The following PCDH11X variants were observed in gnomAD, a reference collection of about 807,000 sequenced individuals.
PCDH11X encodes protocadherin-11 X-linked.
In PCDH11X, 18 loss-of-function variants were observed where a neutral mutation model predicts 53.3. That is an observed-to-expected ratio of 0.34 (90% CI 0.23 to 0.50). The LOEUF (loss-of-function observed/expected upper bound fraction) is 0.50, where lower values mean the gene tolerates loss of function less well. Ranked by LOEUF, PCDH11X falls within the 20% of genes least tolerant of loss-of-function variation. PCDH11X has a pLI of 0.98. For synonymous variants in PCDH11X, 279 were observed against 393.3 expected (o/e 0.71, Z 3.44); for missense variants, 570 against 1,032.4 (o/e 0.55, Z 6.14).
chrX:92,421,497 T>C (rs1278139590), intron 9 of PCDH11X, among the ~76,000 whole-genome samples: 1 of 111,947 alleles, frequency 8.9e-6, no homozygotes, highest in African/African-American at 3.3e-5. Context: ...TACGTATTTT[T>C]ATCTGGTGTT....
chrX:92,095,136 A>G (rs1411602415), intron 6 of PCDH11X, among the ~76,000 whole-genome samples: 2 of 110,695 alleles, frequency 1.8e-5, no homozygotes, highest in African/African-American at 6.6e-5. Context: ...CTGTGGTGAA[A>G]TTTCCAGCAC....
At chrX:92,134,295 T>G (rs749738410) in intron 6 of PCDH11X, among the ~76,000 whole-genome samples, 43 of 110,980 alleles carry the variant, frequency 3.9e-4, no homozygotes, top group African/African-American at 9.5e-4. Flanking sequence ...TTGTTTGTTT[T>G]TTTAATTTTT....
In PCDH11X at chrX:92,125,019, T is replaced by C. The variant is rs561108950; in HGVS notation, c.3034-76356T>C. Among the ~76,000 whole-genome samples, 27 of 112,064 alleles carry C rather than the reference T, an allele frequency of 2.4e-4. No homozygotes were observed. The South Asian group carries it at 1.0e-2, about 41-fold the overall frequency. ...AATGGATGAATAGATTTAAATTTTA[T>C]GTACATACTGTTTCATCGTGCTTTC... On this transcript the variant is annotated intron_variant, in intron 6 of 10. Coordinates refer to ENST00000682573, the MANE Select transcript of PCDH11X (RefSeq NM_032968.5).
At chrX:92,543,350 T>G (rs1269815827) in intron 10 of PCDH11X, among the ~76,000 whole-genome samples, 1 of 108,922 alleles carries the variant, frequency 9.2e-6, no homozygotes, top group Non-Finnish European at 1.9e-5. Flanking sequence ...TAGTTCTTAA[T>G]ACAGCACTAT....
intron 10 of PCDH11X, among the ~76,000 whole-genome samples, chrX:92,604,361 A>G (rs892496203): frequency 7.3e-5 from 8 of 110,187 alleles, no homozygotes; most frequent in African/African-American, 2.6e-4. Context: ...CATGGAATTA[A>G]CTTACATTAA....
At chrX:92,315,347 C>T (rs1199988300) in intron 8 of PCDH11X, among the ~76,000 whole-genome samples, 1 of 111,299 alleles carries the variant, frequency 9.0e-6, no homozygotes, top group Non-Finnish European at 1.9e-5. Flanking sequence ...TTAAAACCTT[C>T]TTTTATTTAC....
At chrX:92,378,939 C>T (rs746278420) in intron 8 of PCDH11X, among the ~76,000 whole-genome samples, 2 of 113,147 alleles carry the variant, frequency 1.8e-5, no homozygotes, top group East Asian at 2.8e-4. Flanking sequence ...AATCTTACTT[C>T]GGACCTACTA....
chrX:92,222,369 T>C (rs2066897881), intron 7 of PCDH11X, among the ~76,000 whole-genome samples: 1 of 111,771 alleles, frequency 8.9e-6, no homozygotes, highest in Non-Finnish European at 1.9e-5. Context: ...ATTTAGCAAG[T>C]TGCATGCCTG....
intron 8 of PCDH11X, among the ~76,000 whole-genome samples, chrX:92,336,349 A>T (rs1422693229): frequency 2.7e-5 from 3 of 111,697 alleles, no homozygotes; most frequent in Non-Finnish European, 5.7e-5. Context: ...CAAGATTTTC[A>T]TTGTAATGCT....
chrX:91,932,716 GAGAA>G (rs1232498891), intron 6 of PCDH11X, among the ~76,000 whole-genome samples: 1 of 110,881 alleles, frequency 9.0e-6, no homozygotes, highest in Admixed American at 9.6e-5. Context: ...GCGCGCGCCT[GAGAA>G]AGAGATAGAG....
chrX:92,401,984 A>T (rs1474257912), intron 9 of PCDH11X, among the ~76,000 whole-genome samples: 1 of 111,247 alleles, frequency 9.0e-6, no homozygotes, highest in Non-Finnish European at 1.9e-5. Flanking sequence ...CATGTCCTTT[A>T]CTCCTTTCTG....
chrX:91,819,860 C>T (rs1345163292), intron 4 of PCDH11X, among the ~76,000 whole-genome samples: 1 of 92,813 alleles, frequency 1.1e-5, no homozygotes, highest in Non-Finnish European at 2.1e-5. Context: ...TGTGATGTTC[C>T]CCTTCCTGTG....
rs188916980 is a variant in PCDH11X at position 92,575,566 on chromosome X, G to T, written c.3368-42698G>T. Among the ~76,000 whole-genome samples the T allele has an allele frequency of 4.1e-3, 444 of 108,613 alleles. 2 individuals are homozygous for T. The highest frequency in any genetic ancestry group is 0.014 in the African/African-American group (407 of 30,127). The allele number at this position is 108,613 out of a possible 115,157, so 94.3% of individuals were successfully genotyped here. On this transcript the variant is annotated intron_variant, in intron 10 of 10. Transcript: ENST00000682573. ...TCATAGGTTCATTAGTAAAGTGTGAGCTTATTATTCAAAAGACTGTTGTCT... is the reference window on the plus strand; with the variant it reads ...TCATAGGTTCATTAGTAAAGTGTGATCTTATTATTCAAAAGACTGTTGTCT...
At position 92,242,654 on chromosome X, in the gene PCDH11X, A is replaced by G. The variant is rs950452855; in HGVS notation, c.3115-20460A>G. 5.4e-5 allele frequency among the ~76,000 whole-genome samples: 6 copies of G among 111,762 alleles called. No individual in the cohort carries two copies. The South Asian group carries it at 2.2e-3, about 41-fold the overall frequency. On this transcript the variant is annotated intron_variant, in intron 7 of 10. Transcript: ENST00000682573. The stretch of plus-strand genomic sequence containing the variant: ...ATAAATGTCCAAAGGTGTAATTGCT[A>G]GGTCACATGTTTAGTTTTGAAACTG...
At chrX:92,229,795 C>T (rs547362579) in intron 7 of PCDH11X, among the ~76,000 whole-genome samples, 61 of 111,033 alleles carry the variant, frequency 5.5e-4, no homozygotes, top group South Asian at 1.9e-3. Context: ...AATTTATTTA[C>T]TTCTGGAAAC....
chrX:91,813,851 AC>A lies in PCDH11X; in HGVS notation c.-45+2557del, dbSNP rs756762146. Among the ~76,000 whole-genome samples, 815 of 109,270 alleles carry A rather than the reference AC, an allele frequency of 7.5e-3. 6 individuals are homozygous for A. The highest frequency in any genetic ancestry group is 0.026 in the African/African-American group (774 of 30,125). 94.9% of individuals were successfully genotyped at this position (109,270 alleles called of 115,157 possible). On this transcript the variant is annotated intron_variant, in intron 4 of 10. Transcript: ENST00000682573. ...AAAATAGAGAGGAGAAGCAGTTCTT[AC>A]GTGAAATCTCTCTTTAACAGTTCCT...
intron 6 of PCDH11X, among the ~76,000 whole-genome samples, chrX:91,954,024 C>T (rs1287381964): frequency 9.1e-6 from 1 of 109,845 alleles, no homozygotes; most frequent in Non-Finnish European, 1.9e-5. Context: ...CATAGGAAAA[C>T]GTGTCCCATG....
chrX:92,178,884 A>C (rs2148288249), intron 6 of PCDH11X, among the ~76,000 whole-genome samples: 1 of 112,250 alleles, frequency 8.9e-6, no homozygotes, highest in South Asian at 3.6e-4. Flanking sequence ...TTTCAAAATT[A>C]AATGAAATAT....
At chrX:92,111,699 G>A (rs2064516692) in intron 6 of PCDH11X, among the ~76,000 whole-genome samples, 1 of 110,703 alleles carries the variant, frequency 9.0e-6, no homozygotes, top group African/African-American at 3.3e-5. Context: ...AAGTCACATA[G>A]TTAGTGACAG....
Sources: allele counts gnomAD v4.1 joint callset (sites outside exome capture counted in the v4.1 genomes callset), GRCh38; gene constraint gnomAD v4.1.1; transcripts MANE v1.5; gene names NCBI Gene and HGNC (gene_info 2026-07-23, HGNC 2026-07-21).